AAGAB: variants seen among roughly 807,000 people sequenced by gnomAD.
The protein encoded by AAGAB is alpha- and gamma-adaptin-binding protein p34.
Under a neutral mutation model 44.1 loss-of-function variants are expected in AAGAB, and 38 were observed. The ratio of observed to expected loss-of-function variants is 0.86; its 90% CI spans 0.67 to 1.13. The LOEUF is 1.13. Among genes scored for constraint, AAGAB ranks in the 50% most tolerant of loss-of-function variants. The probability of loss-of-function intolerance (pLI) is 0.00; values close to 1 mark genes in which losing one functional copy is unlikely to be tolerated. For synonymous variants in AAGAB, 131 were observed against 131.8 expected (o/e 0.99, Z 0.04); for missense variants, 450 against 373.8 (o/e 1.20, Z -1.68).
At chr15:67,208,796 G>T in intron 6 of AAGAB, 138 bp from the exon 7 acceptor site, 1 of 633,564 alleles carries the variant, frequency 1.6e-6, no homozygotes, top group South Asian at 2.3e-5. Context: ...AGAAGAGCAA[G>T]ATCACATTAA....
At chr15:67,251,236 CTGTGTG>C (rs55690815) in intron 1 of AAGAB, among the ~76,000 whole-genome samples, 12 of 147,396 alleles carry the variant, frequency 8.1e-5, no homozygotes, top group Admixed American at 1.3e-4. Context: ...GTGTGTGTGT[CTGTGTG>C]TGTGTGTGTG....
At chr15:67,253,275 G>GA (rs1964933322) in intron 1 of AAGAB, among the ~76,000 whole-genome samples, 7 of 105,962 alleles carry the variant, frequency 6.6e-5, no homozygotes, top group Admixed American at 5.4e-4. Context: ...GGGGGGGGGG[G>GA]CAATTAGCCG....
chr15:67,210,917 C>T (rs1963802879), intron 5 of AAGAB, among the ~76,000 whole-genome samples: 1 of 152,204 alleles, frequency 6.6e-6, no homozygotes, highest in Non-Finnish European at 1.5e-5. Context: ...AAAAAGACAA[C>T]TTTCTCCCAC....
At chr15:67,231,753 A>AC in intron 5 of AAGAB, 61 bp downstream of exon 5, 1 of 1,331,494 alleles carries the variant, frequency 7.5e-7, no homozygotes, top group Admixed American at 1.7e-5. Flanking sequence ...CATATATCTC[A>AC]ATAATTTAAA....
chr15:67,204,892 C>T (rs557976904), intron 7 of AAGAB, among the ~76,000 whole-genome samples: 1 of 152,268 alleles, frequency 6.6e-6, no homozygotes, highest in East Asian at 1.9e-4. Flanking sequence ...TTATTGTTTC[C>T]AGAACTGTCT....
chr15:67,212,764 T>C (rs1283886533), intron 5 of AAGAB, among the ~76,000 whole-genome samples: 1 of 152,238 alleles, frequency 6.6e-6, no homozygotes, highest in African/African-American at 2.4e-5. Flanking sequence ...AGATGATATT[T>C]TATATACCTA....
chr15:67,235,588 C>G (rs1964442424), intron 4 of AAGAB, among the ~76,000 whole-genome samples: 1 of 152,150 alleles, frequency 6.6e-6, no homozygotes, highest in Admixed American at 6.5e-5. Flanking sequence ...GAAATGTCCC[C>G]TGCGATTCTT....
rs1318917824 is a variant in AAGAB, at chr15:67,208,564, A to G, written c.713T>C (p.Val238Ala). Residue 238 changes from valine (V) to alanine (A), a missense_variant and splice_region_variant, in exon 7 of 10, where the codon GTG becomes GCG. Coordinates refer to ENST00000261880, the MANE Select transcript of AAGAB (RefSeq NM_024666.5). ...NTTDAQVDSI[V>A]DPMLDLDIQE... The stretch of plus-strand genomic sequence containing the variant: ...TGGCAGCCAAAGGAGGAACTTACCC[A>G]CAATGCTATCAACCTGGGCATCTGT... The G allele has an allele frequency of 6.2e-7, 1 of 1,613,844 alleles. No homozygotes were observed.
intron 5 of AAGAB, among the ~76,000 whole-genome samples, chr15:67,221,927 T>C (rs1964073854): frequency 6.6e-6 from 1 of 152,154 alleles, no homozygotes; most frequent in Admixed American, 6.5e-5. Flanking sequence ...ACCCAGACCT[T>C]ATTATTACCA....
chr15:67,241,635 C>T (rs1274326494), intron 1 of AAGAB, among the ~76,000 whole-genome samples: 1 of 152,134 alleles, frequency 6.6e-6, no homozygotes, highest in East Asian at 1.9e-4. Context: ...GCAGATTAAC[C>T]TCTCGGTGTC....
At chr15:67,247,125 C>T (rs1388833036) in intron 1 of AAGAB, among the ~76,000 whole-genome samples, 1 of 151,994 alleles carries the variant, frequency 6.6e-6, no homozygotes, top group African/African-American at 2.4e-5. Context: ...CCTTTAAGAG[C>T]TGTAACACTC....
At chr15:67,214,464 G>T (rs1963894805) in intron 5 of AAGAB, among the ~76,000 whole-genome samples, 1 of 152,084 alleles carries the variant, frequency 6.6e-6, no homozygotes, top group Admixed American at 6.5e-5. Context: ...AGAATTCTTT[G>T]GTGTGTGGGT....
intron 5 of AAGAB, among the ~76,000 whole-genome samples, chr15:67,214,672 G>A (rs1055155355): frequency 4.6e-5 from 7 of 150,998 alleles, no homozygotes; most frequent in African/African-American, 1.5e-4. Context: ...ACGGAGTCTC[G>A]CTCTGTCACC....
At position 67,202,062 on chromosome 15, in the gene AAGAB, A is replaced by G. The variant is rs1379110909; in HGVS notation, c.*759T>C. The G allele has an allele frequency of 6.6e-6, 1 of 152,358 alleles. No individual in the cohort carries two copies. The highest frequency in any genetic ancestry group is 1.5e-5 in the Non-Finnish European group (1 of 68,050). 9.4% of individuals were successfully genotyped at this position (152,358 alleles called of 1,614,324 possible). On this transcript the variant is annotated 3_prime_UTR_variant, in exon 10 of 10. Transcript: ENST00000261880. The stretch of plus-strand genomic sequence containing the variant: ...AGAATTTCTTCATGAAAATCACGGT[A>G]TGTTATCACATACTGTCTCCATGGC...
intron 1 of AAGAB, among the ~76,000 whole-genome samples, chr15:67,249,609 G>C (rs1964814592): frequency 6.6e-6 from 1 of 152,106 alleles, no homozygotes; most frequent in African/African-American, 2.4e-5. Flanking sequence ...TCAGAATTAA[G>C]ACTTTAATCA....
intron 4 of AAGAB, among the ~76,000 whole-genome samples, chr15:67,233,445 C>G (rs998674583): frequency 6.6e-6 from 1 of 152,152 alleles, no homozygotes; most frequent in Non-Finnish European, 1.5e-5. Flanking sequence ...GGGGATCCTG[C>G]AGATGTTGAG....
intron 4 of AAGAB, chr15:67,232,567 G>A (rs939796785): frequency 7.6e-5 from 31 of 406,352 alleles, no homozygotes; most frequent in Middle Eastern, 9.0e-4. Flanking sequence ...AGAGAAATTC[G>A]GGAAAAAGTA....
Position 67,209,454 on chromosome 15 carries a change from A to G in AAGAB, c.618+8T>C, listed in dbSNP as rs751615611. The stretch of plus-strand genomic sequence containing the variant: ...AAGAGGGAAAAAAGATCCAAGAAAA[A>G]CCTTTACCTCTGGGTGACAGGGATC... On this transcript the variant is annotated splice_region_variant and intron_variant, in intron 6 of 9. Coordinates refer to ENST00000261880, the MANE Select transcript of AAGAB (RefSeq NM_024666.5). The G allele has an allele frequency of 6.2e-7, 1 of 1,611,668 alleles. No homozygotes were observed. Among genetic ancestry groups the G allele is most frequent in the Non-Finnish European group, 8.5e-7 (1 of 1,178,216 alleles).
chr15:67,211,175 C>T (rs1335889452), intron 5 of AAGAB, among the ~76,000 whole-genome samples: 1 of 152,190 alleles, frequency 6.6e-6, no homozygotes, highest in African/African-American at 2.4e-5. Flanking sequence ...ACTCTCGCCA[C>T]GGAGGCAGTC....
Sources: allele counts gnomAD v4.1 joint callset (sites outside exome capture counted in the v4.1 genomes callset), GRCh38; gene constraint gnomAD v4.1.1; transcripts MANE v1.5; gene names NCBI Gene and HGNC (gene_info 2026-07-23, HGNC 2026-07-21).